Variants in TAOK1 observed in about 807,000 individuals in gnomAD.
TAOK1 encodes the protein TAO kinase 1.
Under a neutral mutation model 138.3 loss-of-function variants are expected in TAOK1, and 21 were observed. The observed-to-expected ratio is 0.15, with a 90% CI of 0.11 to 0.22. The LOEUF is 0.22. Among genes scored for constraint, TAOK1 ranks in the 10% least tolerant of loss-of-function variants. TAOK1 has a pLI of 1.00. For missense variants in TAOK1, 651 were observed against 1,227.7 expected (o/e 0.53, Z 7.02); for synonymous variants, 361 against 398.4 (o/e 0.91, Z 1.12).
intron 1 of TAOK1, among the ~76,000 whole-genome samples, chr17:29,447,509 T>C (rs1249178061): frequency 6.6e-6 from 1 of 151,982 alleles, no homozygotes; most frequent in Non-Finnish European, 1.5e-5. Flanking sequence ...TTTTGTATTT[T>C]TAGCAGAGAC....
intron 1 of TAOK1, among the ~76,000 whole-genome samples, chr17:29,394,488 T>C (rs945032212): frequency 3.9e-5 from 6 of 152,136 alleles, no homozygotes; most frequent in Admixed American, 6.6e-5. Flanking sequence ...TTAATAGACA[T>C]GAATATTTAG....
Position 29,543,722 on chromosome 17 carries a change from T to G in TAOK1, c.*700T>G, listed in dbSNP as rs2032357003. ...GAGTAGAAAACAACTTAGTTTTTCTTTTTTCCTGAATGCGTCATAGGCTTG... is the reference window on the plus strand; with the variant it reads ...GAGTAGAAAACAACTTAGTTTTTCTGTTTTCCTGAATGCGTCATAGGCTTG... On this transcript the variant is annotated 3_prime_UTR_variant, in exon 20 of 20. Coordinates refer to ENST00000261716, the MANE Select transcript of TAOK1 (RefSeq NM_020791.4). 6.6e-6 allele frequency: 1 copy of G among 152,198 alleles called. No individual in the cohort carries two copies. The highest frequency in any genetic ancestry group is 1.5e-5 in the Non-Finnish European group (1 of 68,036). 9.4% of individuals were successfully genotyped at this position (152,198 alleles called of 1,614,324 possible).
chr17:29,458,027 G>A (rs1182057709), intron 2 of TAOK1, among the ~76,000 whole-genome samples: 6 of 151,992 alleles, frequency 3.9e-5, no homozygotes, highest in South Asian at 2.1e-4. Flanking sequence ...GGAGAACGGC[G>A]TGAACCCGGG....
intron 18 of TAOK1, among the ~76,000 whole-genome samples, chr17:29,531,982 T>TCCCGAATAGCTGAGACTACTGG (rs1417840443): frequency 6.0e-5 from 9 of 150,622 alleles, no homozygotes; most frequent in Non-Finnish European, 1.3e-4. Context: ...TGCCTCAGCC[T>TCCCGAATAGCTGAGACTACTGG]CCCGAATAGC....
chr17:29,502,391 C>T (rs1429423475), intron 12 of TAOK1, among the ~76,000 whole-genome samples, 198 bp from the exon 13 acceptor site: 1 of 152,210 alleles, frequency 6.6e-6, no homozygotes, highest in Non-Finnish European at 1.5e-5. Context: ...GGTCATACCA[C>T]TGTACTCCAA....
At chr17:29,480,871 C>CAAA (rs398070899) in intron 7 of TAOK1, among the ~76,000 whole-genome samples, 2 of 96,838 alleles carry the variant, frequency 2.1e-5, no homozygotes, top group Admixed American at 1.2e-4. Flanking sequence ...CCCTGTCTCT[C>CAAA]AAAAAAAAAA....
intron 1 of TAOK1, among the ~76,000 whole-genome samples, chr17:29,423,235 T>TC (rs1236668463): frequency 6.0e-5 from 9 of 150,562 alleles, no homozygotes; most frequent in Non-Finnish European, 1.5e-5. Context: ...TTTTTTTTTT[T>TC]TTGAGACAGA....
At chr17:29,414,832 T>C (rs1374387376) in intron 1 of TAOK1, among the ~76,000 whole-genome samples, 1 of 152,208 alleles carries the variant, frequency 6.6e-6, no homozygotes, top group Non-Finnish European at 1.5e-5. Context: ...GTGCTAGGAT[T>C]ACAGGCGTGA....
At chr17:29,494,126 T>C (rs190837405) in intron 10 of TAOK1, among the ~76,000 whole-genome samples, 1 of 152,056 alleles carries the variant, frequency 6.6e-6, no homozygotes, top group Non-Finnish European at 1.5e-5. Flanking sequence ...AGGCTGGTCT[T>C]GAACTCCTGG....
At chr17:29,524,365 A>G (rs1354675304) in intron 17 of TAOK1, among the ~76,000 whole-genome samples, 1 of 152,208 alleles carries the variant, frequency 6.6e-6, no homozygotes, top group Non-Finnish European at 1.5e-5. Flanking sequence ...CGTAAATCTG[A>G]TATGACTGCA....
chr17:29,487,856 A>G (rs1046022936), intron 8 of TAOK1, among the ~76,000 whole-genome samples: 5 of 152,228 alleles, frequency 3.3e-5, no homozygotes, highest in African/African-American at 4.8e-5. Context: ...TTAATTACAA[A>G]GGAGAAAAGA....
At chr17:29,502,246 C>T (rs77336282) in intron 12 of TAOK1, among the ~76,000 whole-genome samples, 5,617 of 152,260 alleles carry the variant, frequency 0.037, 363 homozygotes, top group African/African-American at 0.13. Context: ...CCAGCCTAGT[C>T]AACATAGGGA....
chr17:29,518,612 C>T (rs188253282), intron 16 of TAOK1, among the ~76,000 whole-genome samples: 277 of 152,216 alleles, frequency 1.8e-3, no homozygotes, highest in Non-Finnish European at 3.2e-3. Flanking sequence ...TCCCTCACTA[C>T]AATGGAAGTT....
chr17:29,521,837 C>T (rs183236259), intron 16 of TAOK1, among the ~76,000 whole-genome samples: 29 of 152,344 alleles, frequency 1.9e-4, no homozygotes, highest in Non-Finnish European at 3.7e-4. Flanking sequence ...CCGCCTCGGC[C>T]TCCCAAAGTG....
At chr17:29,524,055 T>G (rs2031965438) in intron 17 of TAOK1, among the ~76,000 whole-genome samples, 1 of 152,208 alleles carries the variant, frequency 6.6e-6, no homozygotes, top group Non-Finnish European at 1.5e-5. Context: ...AATGTTAAGA[T>G]GCTTTATTGT....
chr17:29,524,730 ATT>A (rs1417050013), intron 17 of TAOK1, among the ~76,000 whole-genome samples: 1 of 152,188 alleles, frequency 6.6e-6, no homozygotes, highest in East Asian at 1.9e-4. Flanking sequence ...CGGAGGCAGA[ATT>A]TAGAATATAG....
chr17:29,397,813 A>G (rs1273847546), intron 1 of TAOK1, among the ~76,000 whole-genome samples: 4 of 150,174 alleles, frequency 2.7e-5, no homozygotes, highest in Non-Finnish European at 4.4e-5. Flanking sequence ...GTATGTATAT[A>G]TGTATATACA....
rs1598527122 is a variant in TAOK1 at position 29,533,285 on chromosome 17, C to T, written c.2362-833C>T. Among the ~76,000 whole-genome samples, 4 of 149,780 alleles carry T rather than the reference C, an allele frequency of 2.7e-5. No homozygotes were observed. The East Asian group carries it at 5.9e-4, about 22-fold the overall frequency. Reference sequence around the variant, plus strand: ...GCTCCTCACTTCCTAGATGGGATGGCGGCCGGGAAGAGGCGCTCCTCACTT... The same window carrying T: ...GCTCCTCACTTCCTAGATGGGATGGTGGCCGGGAAGAGGCGCTCCTCACTT... On this transcript the variant is annotated intron_variant, in intron 18 of 19. Transcript: ENST00000261716.
chr17:29,533,941 T>C (rs2150774615), intron 18 of TAOK1, among the ~76,000 whole-genome samples, 177 bp from the exon 19 acceptor site: 2 of 152,174 alleles, frequency 1.3e-5, no homozygotes, highest in Middle Eastern at 3.4e-3. Flanking sequence ...ATACCGATAT[T>C]GGTTATTCTG....
Sources: gnomAD v4.1 joint callset for allele counts (sites outside exome capture counted in the v4.1 genomes callset) on GRCh38, gnomAD v4.1.1 for gene constraint, MANE v1.5 for transcripts, NCBI Gene and HGNC (gene_info 2026-07-23, HGNC 2026-07-21) for gene names.